GRID2: variants seen among roughly 807,000 people sequenced by gnomAD.
GRID2 encodes glutamate ionotropic receptor delta type subunit 2.
GRID2 carries 33 observed loss-of-function variants against 114.8 expected under a neutral mutation model. The observed-to-expected ratio is 0.29, with a 90% CI of 0.22 to 0.38. The LOEUF is 0.38. Among genes scored for constraint, GRID2 ranks in the 10% least tolerant of loss-of-function variants. The pLI, the probability that GRID2 is intolerant of heterozygous loss-of-function variation, is 1.00. For synonymous variants in GRID2, 505 were observed against 449.9 expected (o/e 1.12, Z -1.55); for missense variants, 1,184 against 1,257.7 (o/e 0.94, Z 0.89).
At chr4:93,164,941 T>C (rs1738105846) in intron 4 of GRID2, 1 of 222,414 alleles carries the variant, frequency 4.5e-6, no homozygotes, top group Non-Finnish European at 9.8e-6. Flanking sequence ...ACGTAAGAGT[T>C]CAGAGTATGA....
At chr4:93,177,187 G>A (rs1052634550) in intron 4 of GRID2, among the ~76,000 whole-genome samples, 5 of 151,970 alleles carry the variant, frequency 3.3e-5, no homozygotes, top group Admixed American at 6.6e-5. Context: ...AAATCCCTGT[G>A]GCTTCTATTC....
At chr4:92,441,616 T>G (rs944865322) in intron 1 of GRID2, among the ~76,000 whole-genome samples, 17 of 151,820 alleles carry the variant, frequency 1.1e-4, no homozygotes, top group East Asian at 3.9e-4. Context: ...ATGGGGGAAT[T>G]GTAAGGAGAG....
At chr4:93,107,384 A>G (rs1447802108) in intron 3 of GRID2, among the ~76,000 whole-genome samples, 2 of 152,166 alleles carry the variant, frequency 1.3e-5, no homozygotes, top group Non-Finnish European at 2.9e-5. Context: ...CTAAGAAGTG[A>G]CAACCAGGAT....
At chr4:93,027,027 T>A (rs559380842) in intron 2 of GRID2, among the ~76,000 whole-genome samples, 59 of 152,138 alleles carry the variant, frequency 3.9e-4, no homozygotes, top group Admixed American at 2.9e-3. Flanking sequence ...AGTTAGAAAA[T>A]TGCTTTTCCA....
chr4:93,259,348 G>A (rs895839608), intron 8 of GRID2, among the ~76,000 whole-genome samples: 2 of 151,690 alleles, frequency 1.3e-5, no homozygotes, highest in African/African-American at 4.8e-5. Flanking sequence ...TTACAATCCC[G>A]GAGTATCCAG....
chr4:92,579,059 T>C (rs1371148179), intron 1 of GRID2, among the ~76,000 whole-genome samples: 1 of 152,162 alleles, frequency 6.6e-6, no homozygotes, highest in Non-Finnish European at 1.5e-5. Flanking sequence ...ATATATATCA[T>C]AGTAGAAGAT....
At chr4:92,433,170 G>A (rs973034428) in intron 1 of GRID2, among the ~76,000 whole-genome samples, 3 of 152,198 alleles carry the variant, frequency 2.0e-5, no homozygotes, top group East Asian at 1.9e-4. Flanking sequence ...TCAAGTAGAA[G>A]GAAGGAGACT....
chr4:93,596,010 A>G (rs1037964046), intron 13 of GRID2, among the ~76,000 whole-genome samples: 8 of 152,162 alleles, frequency 5.3e-5, no homozygotes, highest in Non-Finnish European at 1.2e-4. Context: ...GGTCCCGAGT[A>G]GTTAAGTAAA....
intron 1 of GRID2, among the ~76,000 whole-genome samples, chr4:92,438,239 C>G (rs1732833987): frequency 6.6e-6 from 1 of 151,544 alleles, no homozygotes; most frequent in Admixed American, 6.6e-5. Context: ...GTTTGTGCTT[C>G]TAAACACTAA....
chr4:93,614,428 T>A (rs1348747297), intron 13 of GRID2, among the ~76,000 whole-genome samples: 1 of 152,170 alleles, frequency 6.6e-6, no homozygotes, highest in Non-Finnish European at 1.5e-5. Context: ...AGTGACCAGC[T>A]TTTTAGATAG....
At chr4:92,446,807 T>G (rs1218124373) in intron 1 of GRID2, among the ~76,000 whole-genome samples, 1 of 152,210 alleles carries the variant, frequency 6.6e-6, no homozygotes, top group African/African-American at 2.4e-5. Flanking sequence ...GCAGAGAATA[T>G]CATGCAAAGA....
At chr4:93,098,826 G>A (rs1731448192) in intron 3 of GRID2, among the ~76,000 whole-genome samples, 1 of 151,888 alleles carries the variant, frequency 6.6e-6, no homozygotes, top group Non-Finnish European at 1.5e-5. Flanking sequence ...AGTTTATTAT[G>A]ATAATGATGC....
chr4:92,564,197 A>G (rs1727229947), intron 1 of GRID2, among the ~76,000 whole-genome samples: 1 of 152,100 alleles, frequency 6.6e-6, no homozygotes. Flanking sequence ...GGTTTCATCC[A>G]TATGGGGAAA....
intron 2 of GRID2, among the ~76,000 whole-genome samples, chr4:92,929,556 G>C (rs1050952755): frequency 1.3e-5 from 2 of 151,256 alleles, no homozygotes; most frequent in African/African-American, 4.8e-5. Context: ...CATAAGAGTT[G>C]GCTGTCTGAT....
At chr4:92,484,777 C>G (rs1215012162) in intron 1 of GRID2, among the ~76,000 whole-genome samples, 1 of 151,668 alleles carries the variant, frequency 6.6e-6, no homozygotes, top group African/African-American at 2.4e-5. Context: ...ACAGGTTTGA[C>G]TTATGAGGTA....
intron 4 of GRID2, among the ~76,000 whole-genome samples, chr4:93,159,616 G>T (rs1737494939): frequency 6.6e-6 from 1 of 150,954 alleles, no homozygotes; most frequent in African/African-American, 2.4e-5. Flanking sequence ...CACTTAGAGA[G>T]GATTAAGTTT....
intron 9 of GRID2, among the ~76,000 whole-genome samples, chr4:93,416,143 A>C (rs2904483): frequency 0.7 from 105,914 of 151,756 alleles, 37,413 homozygotes; most frequent in African/African-American, 0.81. Context: ...TTCTTCCTCT[A>C]CTGCTGTTCC....
intron 2 of GRID2, among the ~76,000 whole-genome samples, chr4:93,084,695 T>G (rs145610713): frequency 2.0e-3 from 300 of 152,312 alleles, no homozygotes; most frequent in African/African-American, 5.7e-3. Flanking sequence ...GACACTGTTT[T>G]CTCTAATCCT....
intron 2 of GRID2, among the ~76,000 whole-genome samples, chr4:93,003,365 T>G (rs1051080353): frequency 6.6e-6 from 1 of 151,944 alleles, no homozygotes; most frequent in Non-Finnish European, 1.5e-5. Context: ...TTTGATTTCT[T>G]TAACATATTT....
Sources: allele counts gnomAD v4.1 joint callset (sites outside exome capture counted in the v4.1 genomes callset), GRCh38; gene constraint gnomAD v4.1.1; transcripts MANE v1.5; gene names NCBI Gene and HGNC (gene_info 2026-07-23, HGNC 2026-07-21).